Variants in PLCL1 observed in about 807,000 individuals in gnomAD.
PLCL1 encodes the protein inactive phospholipase C-like protein 1.
PLCL1 carries 41 observed loss-of-function variants against 84.4 expected under a neutral mutation model. That is an observed-to-expected ratio of 0.49 (90% CI 0.38 to 0.63). The LOEUF is 0.63. PLCL1 is among the 30% of genes least tolerant of loss of function. The pLI is 0.00. For synonymous variants in PLCL1, 490 were observed against 488.3 expected, an observed-to-expected ratio of 1.00 and a Z score of -0.05; for missense variants, 1,206 against 1,367.8, an observed-to-expected ratio of 0.88 and a Z score of 1.87.
intron 4 of PLCL1, 69 bp downstream of exon 4, chr2:198,101,429 T>TG: frequency 1.2e-6 from 1 of 867,726 alleles, no homozygotes. Context: ...TAATTCTTGG[T>TG]AGATTTTTTT....
intron 1 of PLCL1, among the ~76,000 whole-genome samples, chr2:198,053,688 ACTT>A (rs1691994918): frequency 6.6e-6 from 1 of 152,330 alleles, no homozygotes; most frequent in Admixed American, 6.5e-5. Context: ...GAGCTGCAGT[ACTT>A]CAACTAGGCT....
chr2:197,830,708 G>A (rs1037469921), intron 1 of PLCL1, among the ~76,000 whole-genome samples: 2 of 152,006 alleles, frequency 1.3e-5, no homozygotes, highest in East Asian at 3.9e-4. Context: ...GCAACCCCAA[G>A]ACACATAATC....
At chr2:198,103,323 T>C (rs1021715065) in intron 4 of PLCL1, among the ~76,000 whole-genome samples, 1 of 152,050 alleles carries the variant, frequency 6.6e-6, no homozygotes, top group Non-Finnish European at 1.5e-5. Context: ...AGGAGGTGTA[T>C]ATATTTTTGG....
chr2:197,852,824 A>G (rs951892688), intron 1 of PLCL1, among the ~76,000 whole-genome samples: 14 of 152,150 alleles, frequency 9.2e-5, no homozygotes, highest in African/African-American at 4.8e-5. Context: ...ATATACATCT[A>G]TAATATGTAT....
chr2:198,062,718 T>A (rs1170273628), intron 1 of PLCL1, among the ~76,000 whole-genome samples: 1 of 152,160 alleles, frequency 6.6e-6, no homozygotes, highest in Non-Finnish European at 1.5e-5. Context: ...CACTTGGGGG[T>A]GAGCCTAGGG....
intron 5 of PLCL1, among the ~76,000 whole-genome samples, chr2:198,115,628 TCA>T (rs1693726039): frequency 6.6e-6 from 1 of 151,886 alleles, no homozygotes; most frequent in Non-Finnish European, 1.5e-5. Context: ...TTTAATGGAC[TCA>T]CAGTTCCACA....
At chr2:197,819,248 A>G (rs990507796) in intron 1 of PLCL1, among the ~76,000 whole-genome samples, 8 of 152,106 alleles carry the variant, frequency 5.3e-5, no homozygotes, top group African/African-American at 1.9e-4. Flanking sequence ...AAGTGGGTAG[A>G]GTAGACCCAC....
At chr2:198,115,880 C>T (rs1050717589) in intron 5 of PLCL1, among the ~76,000 whole-genome samples, 4 of 148,776 alleles carry the variant, frequency 2.7e-5, no homozygotes, top group Admixed American at 1.3e-4. Flanking sequence ...GAGATTTGAG[C>T]GAGGACACAG....
At chr2:197,961,588 TATA>T (rs1460288966) in intron 1 of PLCL1, among the ~76,000 whole-genome samples, 3 of 152,062 alleles carry the variant, frequency 2.0e-5, no homozygotes, top group African/African-American at 7.2e-5. Flanking sequence ...AAGGACTGAC[TATA>T]GCTGCTGGAG....
intron 1 of PLCL1, among the ~76,000 whole-genome samples, chr2:197,884,888 A>T (rs541064646): frequency 1.3e-5 from 2 of 152,278 alleles, no homozygotes; most frequent in South Asian, 4.2e-4. Flanking sequence ...TTCCTAAAAA[A>T]AAAAAATTGA....
chr2:198,136,897 G>A (rs937321708), intron 5 of PLCL1, among the ~76,000 whole-genome samples: 5 of 151,960 alleles, frequency 3.3e-5, no homozygotes, highest in East Asian at 1.9e-4. Context: ...TCAGTTTTCC[G>A]AAAATCTGGC....
chr2:198,018,438 A>G (rs1691052146), intron 1 of PLCL1, among the ~76,000 whole-genome samples: 3 of 152,150 alleles, frequency 2.0e-5, no homozygotes, highest in South Asian at 4.2e-4. Flanking sequence ...GTCTTGCTCA[A>G]TGGATCCCAC....
At chr2:197,980,694 G>A (rs1690084571) in intron 1 of PLCL1, among the ~76,000 whole-genome samples, 1 of 152,034 alleles carries the variant, frequency 6.6e-6, no homozygotes, top group South Asian at 2.1e-4. Flanking sequence ...TGATAGTGGG[G>A]GAACAGTAAC....
rs201810441 is a variant in PLCL1 at position 198,023,461 on chromosome 2, CA to C, written c.241-60295del. Among the ~76,000 whole-genome samples, 28 of 152,274 alleles carry C rather than the reference CA, an allele frequency of 1.8e-4. No individual in the cohort carries two copies. In the East Asian group the frequency reaches 5.0e-3, roughly 27 times the overall value. ...AGAAACTGTCATCAGAGTGAACAGG[CA>C]ACCTACAGAATGGGAGAAAATTTTT... On this transcript the variant is annotated intron_variant, in intron 1 of 5. Coordinates refer to ENST00000428675, the MANE Select transcript of PLCL1 (RefSeq NM_006226.4).
In PLCL1 at chr2:198,085,422, T is replaced by C. The variant is rs1405825913; in HGVS notation, c.1905T>C (p.Asn635=). The change falls in exon 2 of 6, where the codon AAT becomes AAC. Residue 635 remains asparagine, a synonymous_variant. Coordinates refer to ENST00000428675, the MANE Select transcript of PLCL1 (RefSeq NM_006226.4). The surrounding 1 kb of genome is among the most constrained non-coding windows in gnomAD (Gnocchi z 5.3). ...ACCCAGAGGATTTTGTTAATTATAA[T>C]AAGAAGTTCTTATCAAGAATCTATC... ...NEYPEDFVNY[N]KKFLSRIYPS... 2.5e-6 allele frequency: 4 copies of C among 1,612,662 alleles called. No individual in the cohort carries two copies. Among genetic ancestry groups the C allele is most frequent in the Admixed American group, 3.3e-5 (2 of 59,950 alleles).
At chr2:198,111,681 G>A (rs905733787) in intron 5 of PLCL1, among the ~76,000 whole-genome samples, 7 of 151,740 alleles carry the variant, frequency 4.6e-5, no homozygotes, top group African/African-American at 7.3e-5. Context: ...TTACAGATAG[G>A]GGAAATGAGG....
chr2:197,970,753 C>T (rs1029838735), intron 1 of PLCL1, among the ~76,000 whole-genome samples: 2 of 152,060 alleles, frequency 1.3e-5, no homozygotes, highest in African/African-American at 4.8e-5. Context: ...CTTTTTTTCC[C>T]CCACAACATC....
intron 1 of PLCL1, among the ~76,000 whole-genome samples, chr2:198,024,212 A>G (rs1414852020): frequency 6.6e-6 from 1 of 152,152 alleles, no homozygotes; most frequent in East Asian, 1.9e-4. Flanking sequence ...ACATATGGGC[A>G]CATGGAGGGG....
intron 5 of PLCL1, among the ~76,000 whole-genome samples, chr2:198,126,424 T>G (rs1044019611): frequency 6.6e-6 from 1 of 152,176 alleles, no homozygotes; most frequent in African/African-American, 2.4e-5. Flanking sequence ...TCTTTAGGTT[T>G]TGCAGAAAAT....
Sources: allele counts gnomAD v4.1 joint callset (sites outside exome capture counted in the v4.1 genomes callset), GRCh38; gene constraint gnomAD v4.1.1; non-coding constraint Gnocchi (gnomAD v3.1); transcripts MANE v1.5; gene names NCBI Gene and HGNC (gene_info 2026-07-23, HGNC 2026-07-21).